The following PARVA variants were observed in gnomAD, a reference collection of about 807,000 sequenced individuals.
PARVA encodes the protein parvin alpha.
PARVA carries 25 observed loss-of-function variants against 52.6 expected under a neutral mutation model. The observed-to-expected ratio is 0.48, with a 90% CI of 0.35 to 0.66. PARVA has a LOEUF of 0.66. Ranked by LOEUF, PARVA falls within the 30% of genes least tolerant of loss-of-function variation. The pLI, the probability that PARVA is intolerant of heterozygous loss-of-function variation, is 0.01. For missense variants in PARVA, 373 were observed against 450.9 expected (o/e 0.83, Z 1.56); for synonymous variants, 185 against 179.1 (o/e 1.03, Z -0.26).
At chr11:12,421,098 G>GTC (rs1940142975) in intron 1 of PARVA, among the ~76,000 whole-genome samples, 1 of 150,436 alleles carries the variant, frequency 6.6e-6, no homozygotes, top group Admixed American at 6.6e-5. Flanking sequence ...TGTCTTGGTG[G>GTC]TCGGAGCTTG....
At chr11:12,513,596 C>T in intron 9 of PARVA, 2 of 666,956 alleles carry the variant, frequency 3.0e-6, no homozygotes, top group Non-Finnish European at 5.5e-6. Flanking sequence ...CCAGGCTAAC[C>T]CCAGCAATCT....
chr11:12,519,059 C>T (rs550496229), intron 12 of PARVA, among the ~76,000 whole-genome samples: 4 of 152,332 alleles, frequency 2.6e-5, no homozygotes, highest in Admixed American at 6.5e-5. Context: ...GGAGTGCACA[C>T]GTGCATTCGT....
chr11:12,471,215 G>C (rs576829526), intron 1 of PARVA, among the ~76,000 whole-genome samples: 4 of 152,284 alleles, frequency 2.6e-5, no homozygotes, highest in African/African-American at 9.6e-5. Context: ...GTTCTGTTTG[G>C]ATGTGTACAT....
intron 1 of PARVA, among the ~76,000 whole-genome samples, chr11:12,413,112 C>A (rs1373211931): frequency 6.6e-6 from 1 of 152,200 alleles, no homozygotes; most frequent in Non-Finnish European, 1.5e-5. Flanking sequence ...CTGTGCCAGG[C>A]ATTTGTCTTT....
intron 1 of PARVA, among the ~76,000 whole-genome samples, chr11:12,437,405 A>G (rs574448751): frequency 1.3e-5 from 2 of 152,286 alleles, no homozygotes; most frequent in South Asian, 4.1e-4. Context: ...TCACAAGTTA[A>G]TTAGCCTTTG....
chr11:12,448,178 C>G (rs2135011305), intron 1 of PARVA, among the ~76,000 whole-genome samples: 1 of 152,266 alleles, frequency 6.6e-6, no homozygotes, highest in East Asian at 1.9e-4. Context: ...GGTCGTGTTG[C>G]AGCATGGCCA....
At chr11:12,515,335 C>T (rs373474020) in intron 10 of PARVA, among the ~76,000 whole-genome samples, 13 of 152,272 alleles carry the variant, frequency 8.5e-5, no homozygotes, top group African/African-American at 2.4e-4. Context: ...GCCAGCCTGT[C>T]GCTGAGCTCC....
At chr11:12,441,631 GA>G (rs1348877434) in intron 1 of PARVA, among the ~76,000 whole-genome samples, 4 of 150,754 alleles carry the variant, frequency 2.7e-5, no homozygotes, top group East Asian at 1.9e-4. Flanking sequence ...GTTTGAGAAT[GA>G]AAAAAAAATT....
chr11:12,532,868 G>A lies in PARVA; in HGVS notation c.*4943G>A, dbSNP rs142384892. Among the ~76,000 whole-genome samples the A allele has an allele frequency of 1.2e-4, 18 of 152,300 alleles. No individual in the cohort carries two copies. Among genetic ancestry groups the A allele is most frequent in the East Asian group, 7.7e-4 (4 of 5,180 alleles). On this transcript the variant is annotated 3_prime_UTR_variant, in exon 13 of 13. Transcript: ENST00000334956. ...GAAGACGGATCCGATCGCAGGCATC[G>A]GGAGTGCTGATTTTTCTCCTTTGAA...
intron 4 of PARVA, among the ~76,000 whole-genome samples, chr11:12,490,471 C>T (rs559273341): frequency 1.8e-4 from 27 of 149,348 alleles, no homozygotes; most frequent in Admixed American, 2.7e-4. Context: ...GAGCAGAGAT[C>T]GAGCCACTGC....
At chr11:12,431,069 G>T (rs1362826632) in intron 1 of PARVA, among the ~76,000 whole-genome samples, 3 of 152,208 alleles carry the variant, frequency 2.0e-5, no homozygotes, top group African/African-American at 7.2e-5. Context: ...CCAACTGGAA[G>T]GCGGGAATAA....
At chr11:12,489,763 A>G (rs1941208241) in intron 4 of PARVA, among the ~76,000 whole-genome samples, 1 of 152,228 alleles carries the variant, frequency 6.6e-6, no homozygotes, top group African/African-American at 2.4e-5. Flanking sequence ...TAAAGGAACA[A>G]CAGACTGAAA....
chr11:12,425,691 A>G (rs537347109), intron 1 of PARVA, among the ~76,000 whole-genome samples: 11 of 152,226 alleles, frequency 7.2e-5, no homozygotes, highest in African/African-American at 9.6e-5. Context: ...TACATCTCAT[A>G]TGTCTAATAT....
chr11:12,401,165 G>A (rs1294906314), intron 1 of PARVA, among the ~76,000 whole-genome samples: 3 of 152,202 alleles, frequency 2.0e-5, no homozygotes. Flanking sequence ...CCCTGGGCTG[G>A]TAGTTATTTT....
chr11:12,404,532 G>A (rs1939874889), intron 1 of PARVA, among the ~76,000 whole-genome samples: 1 of 152,258 alleles, frequency 6.6e-6, no homozygotes. Flanking sequence ...GGCAGAAGGA[G>A]TTCCTTTTGT....
chr11:12,399,159 T>C (rs1939790930), intron 1 of PARVA, among the ~76,000 whole-genome samples: 2 of 152,242 alleles, frequency 1.3e-5, no homozygotes, highest in African/African-American at 4.8e-5. Flanking sequence ...TATATTACAT[T>C]TCTATAGAAA....
At chr11:12,526,179 C>T (rs951854999) in intron 12 of PARVA, among the ~76,000 whole-genome samples, 1 of 152,144 alleles carries the variant, frequency 6.6e-6, no homozygotes, top group Non-Finnish European at 1.5e-5. Flanking sequence ...ATAATTCATT[C>T]ATGTAACAGA....
chr11:12,485,057 A>C (rs911173685), intron 4 of PARVA, among the ~76,000 whole-genome samples: 6 of 152,030 alleles, frequency 3.9e-5, no homozygotes, highest in African/African-American at 1.2e-4. Flanking sequence ...CAAATGATTC[A>C]CCCACCTTGG....
intron 1 of PARVA, among the ~76,000 whole-genome samples, chr11:12,443,642 T>C (rs1940501791): frequency 6.7e-6 from 1 of 150,130 alleles, no homozygotes; most frequent in Non-Finnish European, 1.5e-5. Flanking sequence ...TTTATTTTAC[T>C]GATACTTTCT....
Sources: allele counts gnomAD v4.1 joint callset (sites outside exome capture counted in the v4.1 genomes callset), GRCh38; gene constraint gnomAD v4.1.1; transcripts MANE v1.5; gene names NCBI Gene and HGNC (gene_info 2026-07-23, HGNC 2026-07-21).